Variants in ADAMTSL3 observed in about 807,000 individuals in gnomAD.
ADAMTSL3 encodes ADAMTS-like protein 3.
A neutral mutation model predicts 201.7 loss-of-function variants in ADAMTSL3; 128 were observed. The observed-to-expected ratio is 0.63, with a 90% confidence interval of 0.55 to 0.73. ADAMTSL3 has a LOEUF of 0.73. ADAMTSL3 is among the 30% of genes least tolerant of loss of function. The probability of loss-of-function intolerance (pLI) is 0.00; values close to 1 mark genes in which losing one functional copy is unlikely to be tolerated. For synonymous variants in ADAMTSL3, 738 were observed against 748.4 expected (o/e 0.99, Z 0.23); for missense variants, 1,990 against 2,119.6 (o/e 0.94, Z 1.20).
At chr15:83,730,674 A>G (rs1267373572) in intron 3 of ADAMTSL3, among the ~76,000 whole-genome samples, 9 of 151,776 alleles carry the variant, frequency 5.9e-5, no homozygotes, top group Non-Finnish European at 1.2e-4. Context: ...TTTGGATATT[A>G]ATCCTTTCTC....
chr15:83,731,710 A>G (rs1015752965), intron 3 of ADAMTSL3, among the ~76,000 whole-genome samples: 1 of 152,030 alleles, frequency 6.6e-6, no homozygotes, highest in Admixed American at 6.6e-5. Context: ...ATACATATAT[A>G]TAACTATATT....
intron 7 of ADAMTSL3, among the ~76,000 whole-genome samples, chr15:83,855,677 C>G (rs567851322): frequency 6.6e-6 from 1 of 152,304 alleles, no homozygotes; most frequent in Non-Finnish European, 1.5e-5. Context: ...GCTCACTGTT[C>G]TTACTGAGCA....
intron 17 of ADAMTSL3, among the ~76,000 whole-genome samples, chr15:83,933,375 C>T (rs1431116648): frequency 6.6e-6 from 1 of 152,144 alleles, no homozygotes; most frequent in Non-Finnish European, 1.5e-5. Context: ...TATAGGATAT[C>T]TTGCAGAAGA....
At chr15:83,678,646 A>G (rs780034982) in intron 2 of ADAMTSL3, among the ~76,000 whole-genome samples, 2 of 150,362 alleles carry the variant, frequency 1.3e-5, no homozygotes, top group African/African-American at 2.4e-5. Flanking sequence ...AATTCAGATT[A>G]TTGAATCTTT....
At chr15:83,892,396 G>A (rs2065521809) in intron 12 of ADAMTSL3, among the ~76,000 whole-genome samples, 1 of 151,484 alleles carries the variant, frequency 6.6e-6, no homozygotes, top group African/African-American at 2.4e-5. Context: ...CGGGCGTGGT[G>A]GCGCATGCCT....
chr15:83,840,362 G>A (rs1483135979), intron 7 of ADAMTSL3, among the ~76,000 whole-genome samples: 1 of 152,202 alleles, frequency 6.6e-6, no homozygotes, highest in Non-Finnish European at 1.5e-5. Context: ...GTGAACAAGA[G>A]TGATTTTGAT....
chr15:83,681,939 T>A (rs939525723), intron 2 of ADAMTSL3, among the ~76,000 whole-genome samples: 1 of 152,256 alleles, frequency 6.6e-6, no homozygotes, highest in African/African-American at 2.4e-5. Flanking sequence ...CTTCTTTTTT[T>A]ATTTGATCCT....
intron 2 of ADAMTSL3, among the ~76,000 whole-genome samples, chr15:83,685,013 C>T (rs1014883371): frequency 6.6e-6 from 1 of 152,098 alleles, no homozygotes; most frequent in Non-Finnish European, 1.5e-5. Context: ...TTGATATTGT[C>T]GGGCTTTTTC....
At chr15:84,015,228 A>G (rs1192036911) in intron 24 of ADAMTSL3, among the ~76,000 whole-genome samples, 3 of 152,172 alleles carry the variant, frequency 2.0e-5, no homozygotes, top group Non-Finnish European at 4.4e-5. Flanking sequence ...ACAGGCATGA[A>G]CCACTGCGCC....
At chr15:83,940,812 A>G (rs1462989403) in intron 17 of ADAMTSL3, among the ~76,000 whole-genome samples, 2 of 152,166 alleles carry the variant, frequency 1.3e-5, no homozygotes, top group Non-Finnish European at 2.9e-5. Context: ...TATAATATGC[A>G]TAAAATAAAA....
In ADAMTSL3 at chr15:83,950,967, G is replaced by A. The variant is rs556129146; in HGVS notation, c.2490+7885G>A. Reference sequence around the variant, plus strand: ...GGAACAGAGATAATTTGACTTCTTCGTTTCCAATTTGGATGCCCTTTATTT... The same window carrying A: ...GGAACAGAGATAATTTGACTTCTTCATTTCCAATTTGGATGCCCTTTATTT... On this transcript the variant is annotated intron_variant, in intron 19 of 29. Transcript: ENST00000286744. Among the ~76,000 whole-genome samples the A allele has an allele frequency of 3.5e-5, 5 of 144,718 alleles. No homozygotes were observed. In the South Asian group the frequency reaches 6.7e-4, roughly 19 times the overall value. The allele number at this position is 144,718 out of a possible 152,430, so 94.9% of individuals were successfully genotyped here. A position where few individuals can be genotyped will look rare whatever the true frequency, so the allele number is the denominator to read the frequency against.
In ADAMTSL3 at chr15:83,820,098, C is replaced by CT. The variant is rs764915214; in HGVS notation, c.600+52dup. 3.4e-6 allele frequency: 5 copies of CT among 1,465,756 alleles called. No individual in the cohort carries two copies. In the South Asian group the frequency reaches 5.7e-5, roughly 17 times the overall value. 90.8% of individuals were successfully genotyped at this position (1,465,756 alleles called of 1,614,324 possible). The stretch of plus-strand genomic sequence containing the variant: ...CTGCTTTGGGGATGTGCCACGCCTA[C>CT]TGTCAATAAACAGAACCCTTTTCTT... On this transcript the variant is annotated intron_variant, in intron 6 of 29. Coordinates refer to ENST00000286744, the MANE Select transcript of ADAMTSL3 (RefSeq NM_207517.3).
chr15:84,008,668 A>G lies in ADAMTSL3; in HGVS notation c.3974-5874A>G, dbSNP rs2141879613. On this transcript the variant is annotated intron_variant, in intron 23 of 29. Transcript: ENST00000286744. ...AGAAGGACTCAAATATGACATCTGTATGCTGGAAACTGTTAAATTTATATT... is the reference window on the plus strand; with the variant it reads ...AGAAGGACTCAAATATGACATCTGTGTGCTGGAAACTGTTAAATTTATATT... 1.3e-5 allele frequency among the ~76,000 whole-genome samples: 2 copies of G among 152,278 alleles called. 1 individual carries two copies. The highest frequency in any genetic ancestry group is 4.1e-4 in the South Asian group (2 of 4,826).
Position 83,937,363 on chromosome 15 carries a change from A to G in ADAMTSL3, c.2118-5233A>G, listed in dbSNP as rs750910441. Among the ~76,000 whole-genome samples, 27 of 151,014 alleles carry G rather than the reference A, an allele frequency of 1.8e-4. 2 individuals are homozygous for G. The highest frequency in any genetic ancestry group is 3.2e-4 in the Non-Finnish European group (22 of 68,026). ...ATGAGATCGTGTCCTTTGCAGCAAC[A>G]TGAATGGAACTAGAGATCATTACCT... On this transcript the variant is annotated intron_variant, in intron 17 of 29. Transcript: ENST00000286744.
At chr15:83,750,229 A>G (rs1298519787) in intron 3 of ADAMTSL3, among the ~76,000 whole-genome samples, 2 of 152,200 alleles carry the variant, frequency 1.3e-5, no homozygotes, top group Non-Finnish European at 2.9e-5. Flanking sequence ...TGGTAACTCA[A>G]CACAGCTACC....
At chr15:83,687,025 TACAAACAA>T (rs58242834) in intron 2 of ADAMTSL3, among the ~76,000 whole-genome samples, 54 of 149,798 alleles carry the variant, frequency 3.6e-4, no homozygotes, top group South Asian at 1.1e-3. Context: ...ACCCTGTCTC[TACAAACAA>T]ACAAACAAAC....
rs116727815 is a variant in ADAMTSL3, at chr15:83,871,294, G to A, written c.960+335G>A. 2.5e-3 allele frequency among the ~76,000 whole-genome samples: 383 copies of A among 152,276 alleles called. 3 individuals carry two copies. Among genetic ancestry groups the A allele is most frequent in the African/African-American group, 8.8e-3 (366 of 41,558 alleles). On this transcript the variant is annotated intron_variant, in intron 9 of 29. Coordinates refer to ENST00000286744, the MANE Select transcript of ADAMTSL3 (RefSeq NM_207517.3). Reference sequence around the variant, plus strand: ...CAGGCTGCTGCAGTGGCTATTCACAGCTGCAGTCATAGCCTTGAATTCCTG... The same window carrying A: ...CAGGCTGCTGCAGTGGCTATTCACAACTGCAGTCATAGCCTTGAATTCCTG...
At chr15:83,990,657 G>A (rs1316457419) in intron 22 of ADAMTSL3, among the ~76,000 whole-genome samples, 1 of 152,122 alleles carries the variant, frequency 6.6e-6, no homozygotes, top group East Asian at 1.9e-4. Flanking sequence ...GTAGTCCCAA[G>A]CCCCAGTGTG....
intron 2 of ADAMTSL3, among the ~76,000 whole-genome samples, chr15:83,691,064 G>A (rs1349727390): frequency 6.6e-6 from 1 of 152,056 alleles, no homozygotes; most frequent in African/African-American, 2.4e-5. Flanking sequence ...CTATCTGAGG[G>A]CTCTTTGAGT....
Sources: gnomAD v4.1 joint callset for allele counts (sites outside exome capture counted in the v4.1 genomes callset) on GRCh38, gnomAD v4.1.1 for gene constraint, MANE v1.5 for transcripts, NCBI Gene and HGNC (gene_info 2026-07-23, HGNC 2026-07-21) for gene names.